Variants in CSMD1 observed in about 807,000 individuals in gnomAD.
The protein encoded by CSMD1 is CUB and sushi domain-containing protein 1.
Under a neutral mutation model 417.5 loss-of-function variants are expected in CSMD1, and 213 were observed. The ratio of observed to expected loss-of-function variants is 0.51; its 90% confidence interval spans 0.46 to 0.57. The LOEUF is 0.57. Ranked by LOEUF, CSMD1 falls within the 20% of genes least tolerant of loss-of-function variation. The pLI, the probability that CSMD1 is intolerant of heterozygous loss-of-function variation, is 0.00. For synonymous variants in CSMD1, 2,862 were observed against 1,736.8 expected (o/e 1.65, Z -16.11); for missense variants, 6,923 against 4,529.7 (o/e 1.53, Z -15.17).
In CSMD1 at chr8:4,506,896, T is replaced by C. The variant is rs139349845; in HGVS notation, c.303-86831A>G. Among the ~76,000 whole-genome samples, 38 of 152,322 alleles carry C rather than the reference T, an allele frequency of 2.5e-4. No homozygotes were observed. The East Asian group carries it at 5.8e-3, about 23-fold the overall frequency. On this transcript the variant is annotated intron_variant, in intron 2 of 69. Transcript: ENST00000635120. ...ATAACATAAATAATTAGGGAGCATTTAATTTCTGTATCTTAGGTACATTTT... is the reference window on the plus strand; with the variant it reads ...ATAACATAAATAATTAGGGAGCATTCAATTTCTGTATCTTAGGTACATTTT...
chr8:3,979,063 T>A (rs1813655196), intron 5 of CSMD1, among the ~76,000 whole-genome samples: 1 of 152,160 alleles, frequency 6.6e-6, no homozygotes, highest in South Asian at 2.1e-4. Flanking sequence ...CTCCTTTCCT[T>A]CAGATGTGCA....
At chr8:3,507,086 A>T (rs1005639109) in intron 10 of CSMD1, among the ~76,000 whole-genome samples, 4 of 152,194 alleles carry the variant, frequency 2.6e-5, no homozygotes, top group African/African-American at 9.6e-5. Context: ...CAGTTTTACA[A>T]ATGATAATTA....
At chr8:4,756,851 A>G (rs1811699721) in intron 1 of CSMD1, among the ~76,000 whole-genome samples, 1 of 152,248 alleles carries the variant, frequency 6.6e-6, no homozygotes, top group African/African-American at 2.4e-5. Context: ...GTGACTGAAA[A>G]AGGGTGGACT....
At chr8:3,080,924 C>G (rs544342980) in intron 49 of CSMD1, among the ~76,000 whole-genome samples, 1 of 151,812 alleles carries the variant, frequency 6.6e-6, no homozygotes, top group South Asian at 2.1e-4. Context: ...GATGCGTCTA[C>G]AATGTCATTG....
chr8:4,291,695 G>C (rs1248165852), intron 3 of CSMD1, among the ~76,000 whole-genome samples: 3 of 152,126 alleles, frequency 2.0e-5, no homozygotes, highest in African/African-American at 4.8e-5. Context: ...TATTCAACGG[G>C]TGGTAAAATT....
At chr8:3,778,183 G>C (rs921990476) in intron 5 of CSMD1, among the ~76,000 whole-genome samples, 1 of 152,210 alleles carries the variant, frequency 6.6e-6, no homozygotes, top group Non-Finnish European at 1.5e-5. Flanking sequence ...GTCAGCAGGG[G>C]GCAGGGACGG....
chr8:3,673,365 A>C (rs1276138706), intron 7 of CSMD1, among the ~76,000 whole-genome samples: 1 of 152,232 alleles, frequency 6.6e-6, no homozygotes, highest in Non-Finnish European at 1.5e-5. Flanking sequence ...TTCATGATTC[A>C]GTATTGGAAA....
chr8:3,199,760 A>C lies in CSMD1; in HGVS notation c.5148T>G (p.Ser1716Arg). The C allele has an allele frequency of 6.3e-7, 1 of 1,588,086 alleles. No individual in the cohort carries two copies. Among genetic ancestry groups the C allele is most frequent in the Non-Finnish European group, 8.6e-7 (1 of 1,166,774 alleles). The change falls in exon 33 of 70, where the codon AGT becomes AGG. Residue 1716 changes from serine to arginine, a missense_variant. Transcript: ENST00000635120. The stretch of plus-strand genomic sequence containing the variant: ...CGCGGGCAGAGGCACCGCTCTTTGC[A>C]CTGAATCGGAGCAGAATTTGATTTG... ...ATSNQILLRF[S>R]AKSGASARGF...
intron 52 of CSMD1, among the ~76,000 whole-genome samples, chr8:3,011,524 C>T (rs1227256824): frequency 6.6e-6 from 1 of 152,152 alleles, no homozygotes; most frequent in Non-Finnish European, 1.5e-5. Context: ...TGTCATCTAG[C>T]TATTTTAGCC....
chr8:4,362,706 A>C (rs2128908353), intron 3 of CSMD1, among the ~76,000 whole-genome samples: 1 of 152,346 alleles, frequency 6.6e-6, no homozygotes, highest in Middle Eastern at 3.4e-3. Context: ...TAAGATTTGT[A>C]AGAGAAAAGG....
At chr8:3,737,341 C>T (rs1419309696) in intron 6 of CSMD1, among the ~76,000 whole-genome samples, 1 of 152,162 alleles carries the variant, frequency 6.6e-6, no homozygotes, top group African/African-American at 2.4e-5. Context: ...CCTCACATTC[C>T]TAATGTGACC....
intron 23 of CSMD1, among the ~76,000 whole-genome samples, chr8:3,332,280 G>C (rs964895253): frequency 5.1e-4 from 77 of 152,324 alleles, no homozygotes; most frequent in African/African-American, 1.5e-3. Flanking sequence ...CTGCCCTCTT[G>C]CTTTGCATGT....
intron 10 of CSMD1, among the ~76,000 whole-genome samples, chr8:3,530,343 G>C (rs1797925447): frequency 6.6e-6 from 1 of 151,948 alleles, no homozygotes; most frequent in Non-Finnish European, 1.5e-5. Flanking sequence ...TGTAAGTTTT[G>C]GTATGTTGTA....
At chr8:4,282,717 C>T (rs994003505) in intron 3 of CSMD1, among the ~76,000 whole-genome samples, 4 of 152,042 alleles carry the variant, frequency 2.6e-5, no homozygotes, top group Admixed American at 6.6e-5. Flanking sequence ...CATTTATAAT[C>T]GGAACAATTT....
intron 49 of CSMD1, among the ~76,000 whole-genome samples, chr8:3,074,410 C>G (rs1479095522): frequency 6.6e-6 from 1 of 152,196 alleles, no homozygotes; most frequent in East Asian, 1.9e-4. Context: ...CCATAGGGAG[C>G]TGTCTACCCA....
At chr8:3,658,957 A>T (rs939621842) in intron 7 of CSMD1, among the ~76,000 whole-genome samples, 2 of 152,164 alleles carry the variant, frequency 1.3e-5, no homozygotes, top group African/African-American at 4.8e-5. Context: ...TATAACTTTC[A>T]TATGCTAGGA....
At chr8:4,118,896 G>C (rs1260862857) in intron 3 of CSMD1, among the ~76,000 whole-genome samples, 1 of 152,148 alleles carries the variant, frequency 6.6e-6, no homozygotes, top group Non-Finnish European at 1.5e-5. Context: ...ATACACCATG[G>C]AATACTATGC....
At chr8:4,901,701 A>G (rs1322311681) in intron 1 of CSMD1, among the ~76,000 whole-genome samples, 1 of 152,242 alleles carries the variant, frequency 6.6e-6, no homozygotes, top group African/African-American at 2.4e-5. Context: ...GCATACTAGC[A>G]TATTAGCATA....
intron 3 of CSMD1, among the ~76,000 whole-genome samples, chr8:4,200,892 A>C (rs926101699): frequency 6.6e-6 from 1 of 152,224 alleles, no homozygotes; most frequent in African/African-American, 2.4e-5. Context: ...ACACATCTTT[A>C]AGAAACGCTA....
Sources: allele counts gnomAD v4.1 joint callset (sites outside exome capture counted in the v4.1 genomes callset), GRCh38; gene constraint gnomAD v4.1.1; transcripts MANE v1.5; gene names NCBI Gene and HGNC (gene_info 2026-07-23, HGNC 2026-07-21).